Variants in PDE9A observed in about 807,000 individuals in gnomAD.
PDE9A encodes high affinity cGMP-specific 3',5'-cyclic phosphodiesterase 9A.
In PDE9A, 60 loss-of-function variants were observed where a neutral mutation model predicts 87.4. The ratio of observed to expected loss-of-function variants is 0.69; its 90% CI spans 0.56 to 0.85. The LOEUF is 0.85. Ranked by LOEUF, PDE9A falls within the 40% of genes least tolerant of loss-of-function variation. The pLI, the probability that PDE9A is intolerant of heterozygous loss-of-function variation, is 0.00. For missense variants in PDE9A, 665 were observed against 779.0 expected, an observed-to-expected ratio of 0.85 and a Z score of 1.74; for synonymous variants, 272 against 279.4, an observed-to-expected ratio of 0.97 and a Z score of 0.27.
chr21:42,693,207 C>G (rs192450596), intron 3 of PDE9A, among the ~76,000 whole-genome samples: 12 of 152,338 alleles, frequency 7.9e-5, no homozygotes, highest in Admixed American at 7.2e-4. Flanking sequence ...CCTAAGCACA[C>G]ACGCCTGCTC....
At chr21:42,709,731 C>G (rs1269431161) in intron 4 of PDE9A, among the ~76,000 whole-genome samples, 1 of 152,136 alleles carries the variant, frequency 6.6e-6, no homozygotes, top group Non-Finnish European at 1.5e-5. Flanking sequence ...GTTGCCCAGG[C>G]TGGGGTGTGA....
intron 3 of PDE9A, among the ~76,000 whole-genome samples, chr21:42,689,005 C>T (rs774263433): frequency 6.7e-6 from 1 of 149,726 alleles, no homozygotes; most frequent in Non-Finnish European, 1.5e-5. Context: ...CCTCAGTGAG[C>T]GCTCAGTAGA....
intron 19 of PDE9A, 140 bp from the exon 20 acceptor site, chr21:42,775,140 C>T (rs1057317381): frequency 1.3e-5 from 9 of 682,682 alleles, no homozygotes; most frequent in Non-Finnish European, 2.0e-5. Flanking sequence ...CAGGGTTTCA[C>T]CATGTTGGTC....
intron 4 of PDE9A, among the ~76,000 whole-genome samples, chr21:42,729,167 A>G (rs769007694): frequency 6.6e-6 from 1 of 152,148 alleles, no homozygotes; most frequent in Non-Finnish European, 1.5e-5. Flanking sequence ...TTACAAATTG[A>G]CTTTTGCTAT....
chr21:42,661,855 T>G (rs2057525943), intron 1 of PDE9A, among the ~76,000 whole-genome samples: 1 of 152,216 alleles, frequency 6.6e-6, no homozygotes, highest in Non-Finnish European at 1.5e-5. Flanking sequence ...CAGCCTGTGA[T>G]GCGTCGCAGC....
At chr21:42,728,826 C>A (rs1240720743) in intron 4 of PDE9A, among the ~76,000 whole-genome samples, 6 of 151,914 alleles carry the variant, frequency 3.9e-5, no homozygotes, top group Non-Finnish European at 8.8e-5. Context: ...ATGCTAAAAC[C>A]CCGGCTCTAC....
At chr21:42,686,140 C>T (rs1233127140) in intron 1 of PDE9A, 52 bp from the exon 2 acceptor site, 203 of 1,431,622 alleles carry the variant, frequency 1.4e-4, no homozygotes, top group Non-Finnish European at 4.0e-5. Flanking sequence ...TCTGACGTCT[C>T]CAGGGAGACC....
intron 4 of PDE9A, among the ~76,000 whole-genome samples, chr21:42,718,234 T>C (rs2146548431): frequency 6.6e-6 from 1 of 151,934 alleles, no homozygotes; most frequent in East Asian, 1.9e-4. Context: ...ATTTCTTTCC[T>C]TTATCTTTAG....
chr21:42,692,560 C>T lies in PDE9A; in HGVS notation c.218+4566C>T, dbSNP rs2059906981. ...GGGCTTGGTGGAGCACAGAGCTCCCCTCAGTCTCTGGTTTGTGACGGAGGT... is the reference window on the plus strand; with the variant it reads ...GGGCTTGGTGGAGCACAGAGCTCCCTTCAGTCTCTGGTTTGTGACGGAGGT... On this transcript the variant is annotated intron_variant, in intron 3 of 19. Transcript: ENST00000291539. This position sits in a 1 kb window ranked among gnomAD's most constrained non-coding sequence, Gnocchi z 4.3. Among the ~76,000 whole-genome samples the T allele has an allele frequency of 6.6e-6, 1 of 152,140 alleles. No individual in the cohort carries two copies. Among genetic ancestry groups the T allele is most frequent in the South Asian group, 2.1e-4 (1 of 4,830 alleles).
chr21:42,763,614 C>T (rs528803918), intron 14 of PDE9A, among the ~76,000 whole-genome samples: 7 of 152,288 alleles, frequency 4.6e-5, no homozygotes, highest in East Asian at 3.9e-4. Context: ...TGTTTTAAGC[C>T]GCCTAGTTTG....
intron 4 of PDE9A, among the ~76,000 whole-genome samples, chr21:42,718,089 C>T (rs1045252407): frequency 3.3e-5 from 5 of 151,004 alleles, no homozygotes; most frequent in African/African-American, 4.9e-5. Context: ...TTAGTAGAGA[C>T]AGGATTTCAC....
At chr21:42,701,724 A>C (rs866491076) in intron 4 of PDE9A, among the ~76,000 whole-genome samples, 39 of 152,272 alleles carry the variant, frequency 2.6e-4, no homozygotes, top group African/African-American at 8.2e-4. Flanking sequence ...CCCGACTGAC[A>C]GTGTTTTTAT....
intron 4 of PDE9A, among the ~76,000 whole-genome samples, chr21:42,730,543 A>G (rs968492672): frequency 1.3e-5 from 2 of 152,192 alleles, no homozygotes; most frequent in Non-Finnish European, 2.9e-5. Context: ...AATTTATATA[A>G]AACTTATAAC....
rs576369042 is a variant in PDE9A at position 42,763,161 on chromosome 21, C to T, written c.1242+922C>T. Among the ~76,000 whole-genome samples the T allele has an allele frequency of 6.4e-4, 97 of 152,318 alleles. 1 individual carries two copies. In the South Asian group the frequency reaches 0.02, roughly 31 times the overall value. ...CCACACGGGAATTCCTCATCAAACCCTCACTCTCTGACATTTGCAGGGGAG... is the reference window on the plus strand; with the variant it reads ...CCACACGGGAATTCCTCATCAAACCTTCACTCTCTGACATTTGCAGGGGAG... On this transcript the variant is annotated intron_variant, in intron 14 of 19. Transcript: ENST00000291539.
At chr21:42,719,400 C>T (rs920327322) in intron 4 of PDE9A, among the ~76,000 whole-genome samples, 1 of 151,628 alleles carries the variant, frequency 6.6e-6, no homozygotes, top group African/African-American at 2.4e-5. Context: ...TTTGGGAGGC[C>T]GAGGTGGGTG....
chr21:42,684,829 A>C (rs1392609172), intron 1 of PDE9A, among the ~76,000 whole-genome samples: 1 of 152,128 alleles, frequency 6.6e-6, no homozygotes, highest in Non-Finnish European at 1.5e-5. Context: ...GGCAAATACC[A>C]GTGGGGATAA....
intron 1 of PDE9A, among the ~76,000 whole-genome samples, chr21:42,666,875 G>A (rs2058034332): frequency 6.6e-6 from 1 of 152,210 alleles, no homozygotes; most frequent in Non-Finnish European, 1.5e-5. Context: ...TAACCCTAAT[G>A]TGGGAAAGCA....
intron 4 of PDE9A, among the ~76,000 whole-genome samples, chr21:42,711,283 T>TTTC (rs2146462353): frequency 6.7e-6 from 1 of 148,236 alleles, no homozygotes; most frequent in African/African-American, 2.5e-5. Context: ...TGAGACAAGG[T>TTTC]TTCTTGTTGC....
intron 1 of PDE9A, among the ~76,000 whole-genome samples, chr21:42,664,225 G>A (rs1242536991): frequency 6.6e-6 from 1 of 152,272 alleles, no homozygotes; most frequent in Non-Finnish European, 1.5e-5. Flanking sequence ...GGGAGTCTTT[G>A]TGTTCGGCTC....
Sources: gnomAD v4.1 joint callset for allele counts (sites outside exome capture counted in the v4.1 genomes callset) on GRCh38, gnomAD v4.1.1 for gene constraint, Gnocchi (gnomAD v3.1) non-coding constraint, MANE v1.5 for transcripts, NCBI Gene and HGNC (gene_info 2026-07-23, HGNC 2026-07-21) for gene names.